Variants in ATXN1 observed in about 807,000 individuals in gnomAD.
ATXN1 encodes the protein ataxin 1.
In ATXN1, 8 loss-of-function variants were observed where a neutral mutation model predicts 56.4. That is an observed-to-expected ratio of 0.14 (90% confidence interval 0.08 to 0.26). ATXN1 has a LOEUF of 0.26. ATXN1 is among the 10% of genes least tolerant of loss of function. ATXN1 has a pLI of 1.00. For synonymous variants in ATXN1, 514 were observed against 494.6 expected (o/e 1.04, Z -0.52); for missense variants, 987 against 1,106.5 (o/e 0.89, Z 1.53).
chr6:16,445,041 T>TA (rs1428094994), intron 6 of ATXN1, among the ~76,000 whole-genome samples: 1 of 151,452 alleles, frequency 6.6e-6, no homozygotes, highest in East Asian at 1.9e-4. Flanking sequence ...AACTGCAAAA[T>TA]AAAAAAAAGA....
chr6:16,359,135 G>A (rs533213112), intron 6 of ATXN1, among the ~76,000 whole-genome samples: 2 of 152,216 alleles, frequency 1.3e-5, no homozygotes, highest in Non-Finnish European at 2.9e-5. Flanking sequence ...GAGCTGGGTT[G>A]GGGCCAAGCC....
intron 3 of ATXN1, among the ~76,000 whole-genome samples, chr6:16,636,112 T>A (rs568495493): frequency 1.6e-3 from 249 of 152,266 alleles, no homozygotes; most frequent in African/African-American, 5.9e-3. Flanking sequence ...CTCCCTTACA[T>A]CATTTCTGTT....
intron 6 of ATXN1, among the ~76,000 whole-genome samples, chr6:16,329,561 C>T (rs1760932544): frequency 6.6e-6 from 1 of 152,114 alleles, no homozygotes; most frequent in Non-Finnish European, 1.5e-5. Context: ...AACCCAAATA[C>T]CATACAAAAA....
chr6:16,709,809 A>C (rs796800543), intron 2 of ATXN1, among the ~76,000 whole-genome samples: 3 of 152,324 alleles, frequency 2.0e-5, no homozygotes, highest in African/African-American at 7.2e-5. Flanking sequence ...AGTCGCAAAA[A>C]TACTTAATAA....
intron 3 of ATXN1, among the ~76,000 whole-genome samples, chr6:16,631,558 C>A (rs1763503631): frequency 6.6e-6 from 1 of 152,214 alleles, no homozygotes; most frequent in South Asian, 2.1e-4. Context: ...TCAGTCCCAA[C>A]TCTGCCCCAG....
intron 7 of ATXN1, among the ~76,000 whole-genome samples, chr6:16,324,128 C>T (rs892577453): frequency 1.3e-5 from 2 of 152,054 alleles, no homozygotes; most frequent in Non-Finnish European, 2.9e-5. Flanking sequence ...TTGGTCCTTT[C>T]CTCACTTGGG....
chr6:16,749,895 TCTA>T (rs1457563894), intron 2 of ATXN1: 4 of 152,374 alleles, frequency 2.6e-5, no homozygotes, highest in Non-Finnish European at 5.9e-5. Flanking sequence ...TCCCATACTC[TCTA>T]CTGTCTGCTC....
At chr6:16,486,331 A>G (rs1300876655) in intron 5 of ATXN1, among the ~76,000 whole-genome samples, 1 of 152,170 alleles carries the variant, frequency 6.6e-6, no homozygotes, top group Non-Finnish European at 1.5e-5. Context: ...CATTTCTGGG[A>G]GACTTCAGAC....
intron 2 of ATXN1, among the ~76,000 whole-genome samples, chr6:16,728,923 T>A (rs1150634): frequency 6.6e-6 from 1 of 151,904 alleles, no homozygotes; most frequent in Non-Finnish European, 1.5e-5. Context: ...CTTCTATTTA[T>A]TCCTAGTTAC....
chr6:16,422,986 T>A (rs959344758), intron 6 of ATXN1, among the ~76,000 whole-genome samples: 16 of 152,228 alleles, frequency 1.1e-4, no homozygotes, highest in African/African-American at 3.6e-4. Flanking sequence ...TCTGATCTGA[T>A]TCAGGTAAGA....
chr6:16,671,305 C>CTTTTTTT (rs142311437), intron 2 of ATXN1, among the ~76,000 whole-genome samples: 1 of 73,512 alleles, frequency 1.4e-5, no homozygotes, highest in Non-Finnish European at 2.5e-5. Flanking sequence ...CTTTTCTTTT[C>CTTTTTTT]TTTCTTTTTT....
At chr6:16,457,742 G>T (rs982804794) in intron 6 of ATXN1, among the ~76,000 whole-genome samples, 7 of 152,126 alleles carry the variant, frequency 4.6e-5, no homozygotes, top group African/African-American at 1.7e-4. Flanking sequence ...GGACCTCTCA[G>T]ATTACCTCCA....
At chr6:16,753,946 C>T (rs1189991079) in intron 1 of ATXN1, 1 of 152,248 alleles carries the variant, frequency 6.6e-6, no homozygotes, top group Non-Finnish European at 1.5e-5. Context: ...GCCACAATTC[C>T]TTGCACATGG....
At chr6:16,391,601 A>G (rs1265783413) in intron 6 of ATXN1, among the ~76,000 whole-genome samples, 1 of 152,216 alleles carries the variant, frequency 6.6e-6, no homozygotes, top group African/African-American at 2.4e-5. Context: ...TCTTCAGAGG[A>G]TATCAGTTTA....
chr6:16,413,360 T>C (rs1758840435), intron 6 of ATXN1, among the ~76,000 whole-genome samples: 1 of 152,020 alleles, frequency 6.6e-6, no homozygotes, highest in Non-Finnish European at 1.5e-5. Context: ...TTTTTTAAGG[T>C]ACAAATATAG....
chr6:16,445,839 C>A (rs1345509496), intron 6 of ATXN1, among the ~76,000 whole-genome samples: 1 of 151,308 alleles, frequency 6.6e-6, no homozygotes, highest in African/African-American at 2.4e-5. Context: ...CATGTCCCTA[C>A]AAAGGACGTG....
At chr6:16,748,552 G>A (rs796821525) in intron 2 of ATXN1, among the ~76,000 whole-genome samples, 7 of 152,264 alleles carry the variant, frequency 4.6e-5, no homozygotes, top group African/African-American at 1.4e-4. Flanking sequence ...AGAAAATAAT[G>A]ATGCCTACCT....
At chr6:16,415,903 C>T (rs1003596737) in intron 6 of ATXN1, among the ~76,000 whole-genome samples, 1 of 151,958 alleles carries the variant, frequency 6.6e-6, no homozygotes, top group African/African-American at 2.4e-5. Flanking sequence ...CTGCTGGGAG[C>T]AAAAATAATC....
intron 7 of ATXN1, among the ~76,000 whole-genome samples, chr6:16,308,245 G>A (rs1303227531): frequency 2.6e-5 from 4 of 151,928 alleles, no homozygotes; most frequent in African/African-American, 7.3e-5. Context: ...AGAATCGCTT[G>A]AACCCGGGAG....
Sources: allele counts gnomAD v4.1 joint callset (sites outside exome capture counted in the v4.1 genomes callset), GRCh38; gene constraint gnomAD v4.1.1; transcripts MANE v1.5; gene names NCBI Gene and HGNC (gene_info 2026-07-23, HGNC 2026-07-21).